TNRC6A: variants seen among roughly 807,000 people sequenced by gnomAD.
The protein encoded by TNRC6A is trinucleotide repeat containing adaptor 6A.
In TNRC6A, 44 loss-of-function variants were observed where a neutral mutation model predicts 221.2. That is an observed-to-expected ratio of 0.20 (90% confidence interval 0.16 to 0.26). The LOEUF (loss-of-function observed/expected upper bound fraction) is 0.26, where lower values mean the gene tolerates loss of function less well. Among genes scored for constraint, TNRC6A ranks in the 10% least tolerant of loss-of-function variants. The probability of loss-of-function intolerance (pLI) is 1.00; values close to 1 mark genes in which losing one functional copy is unlikely to be tolerated. For synonymous variants in TNRC6A, 847 were observed against 838.5 expected, an observed-to-expected ratio of 1.01 and a Z score of -0.18; for missense variants, 2,199 against 2,404.4, an observed-to-expected ratio of 0.91 and a Z score of 1.79.
chr16:24,729,372 G>T (rs1055259965), upstream of TNRC6A, among the ~76,000 whole-genome samples: 1 of 145,522 alleles, frequency 6.9e-6, no homozygotes, highest in Non-Finnish European at 1.5e-5. Flanking sequence ...AACTTGTGTC[G>T]CAGCAAAGAA....
chr16:24,637,503 G>A (rs1434868782), intron 1 of TNRC6A, among the ~76,000 whole-genome samples: 1 of 152,162 alleles, frequency 6.6e-6, no homozygotes, highest in Non-Finnish European at 1.5e-5. Flanking sequence ...ACAATAAATA[G>A]ATTAAATGTA....
intron 4 of TNRC6A, among the ~76,000 whole-genome samples, chr16:24,762,143 C>T (rs927320017): frequency 2.0e-5 from 3 of 152,064 alleles, no homozygotes; most frequent in African/African-American, 4.8e-5. Flanking sequence ...GATAAAATAG[C>T]GAAGTTTAGT....
In TNRC6A at chr16:24,790,048, C is replaced by A; in HGVS notation, c.1406C>A (p.Ser469Ter). The A allele has an allele frequency of 6.2e-7, 1 of 1,614,196 alleles. No individual in the cohort carries two copies. The highest frequency in any genetic ancestry group is 1.1e-5 in the South Asian group (1 of 91,066). ...FMTSSLPNSG[S>*]VQNNELPSSN... The stretch of plus-strand genomic sequence containing the variant: ...ACCTCTAGTTTACCAAACTCCGGTT[C>A]AGTGCAGAATAATGAGCTGCCTAGT... The change falls in exon 6 of 25, where the codon TCA (serine) becomes TAA (stop). Residue 469 changes from serine to a stop codon, truncating the protein, a stop_gained. Coordinates refer to ENST00000395799, the MANE Select transcript of TNRC6A (RefSeq NM_014494.4). LOFTEE classifies it high-confidence loss of function.
chr16:24,679,255 C>T (rs144899309), intron 2 of TNRC6A, among the ~76,000 whole-genome samples: 91 of 152,138 alleles, frequency 6.0e-4, no homozygotes, highest in African/African-American at 2.1e-3. Context: ...ACCTTGGCCT[C>T]CCAAAGTGCT....
chr16:24,719,401 C>T (rs1295393780), intron 2 of TNRC6A, among the ~76,000 whole-genome samples: 1 of 152,106 alleles, frequency 6.6e-6, no homozygotes, highest in Admixed American at 6.6e-5. Flanking sequence ...CTTGCTGGCT[C>T]ACGCTTGTAA....
At chr16:24,717,423 C>A (rs941782152) in intron 2 of TNRC6A, among the ~76,000 whole-genome samples, 4 of 152,030 alleles carry the variant, frequency 2.6e-5, no homozygotes, top group African/African-American at 9.7e-5. Flanking sequence ...AAAAGCTGGG[C>A]GCCATTATCA....
intron 4 of TNRC6A, among the ~76,000 whole-genome samples, chr16:24,775,762 A>G (rs962653441): frequency 6.6e-6 from 1 of 152,222 alleles, no homozygotes; most frequent in African/African-American, 2.4e-5. Context: ...TTTTAATTCC[A>G]GGGTGGGAGC....
chr16:24,735,441 C>T (rs934210173), intron 2 of TNRC6A, among the ~76,000 whole-genome samples: 5 of 152,118 alleles, frequency 3.3e-5, no homozygotes, highest in Admixed American at 6.6e-5. Context: ...TGCTGTGATA[C>T]GGTTTGCAGG....
intron 2 of TNRC6A, among the ~76,000 whole-genome samples, chr16:24,678,692 G>A (rs988782719): frequency 6.6e-6 from 1 of 152,184 alleles, no homozygotes; most frequent in African/African-American, 2.4e-5. Flanking sequence ...GTGACAGAGT[G>A]AGACCCTGCC....
intron 1 of TNRC6A, among the ~76,000 whole-genome samples, chr16:24,620,214 G>A (rs986604258): frequency 6.6e-6 from 1 of 151,758 alleles, no homozygotes; most frequent in Middle Eastern, 3.5e-3. Context: ...TACTAGCTTC[G>A]TGGCATTGAG....
chr16:24,717,069 A>C (rs1954293240), intron 2 of TNRC6A, among the ~76,000 whole-genome samples: 1 of 151,240 alleles, frequency 6.6e-6, no homozygotes, highest in South Asian at 2.1e-4. Context: ...TTCCTATGTT[A>C]TTGTGATAAT....
intron 2 of TNRC6A, among the ~76,000 whole-genome samples, chr16:24,696,236 T>C (rs912457313): frequency 2.0e-4 from 30 of 151,062 alleles, no homozygotes; most frequent in Non-Finnish European, 3.5e-4. Flanking sequence ...TAGTCCCAGC[T>C]ACTCGGGAGG....
At chr16:24,736,617 T>C (rs1222441446) in intron 2 of TNRC6A, among the ~76,000 whole-genome samples, 1 of 152,202 alleles carries the variant, frequency 6.6e-6, no homozygotes, top group Non-Finnish European at 1.5e-5. Flanking sequence ...TTTTGGGTCT[T>C]GTCTGTATGA....
intron 1 of TNRC6A, among the ~76,000 whole-genome samples, chr16:24,634,991 G>T (rs1901550538): frequency 1.3e-5 from 2 of 152,078 alleles, no homozygotes; most frequent in Admixed American, 6.6e-5. Flanking sequence ...ACAGGGTCTT[G>T]CTATGTTGCC....
intron 9 of TNRC6A, chr16:24,796,474 A>C (rs1387496025): frequency 6.6e-6 from 1 of 152,384 alleles, no homozygotes; most frequent in Middle Eastern, 3.2e-3. Context: ...TCAAGCTAGA[A>C]AGGACAGCTT....
chr16:24,670,981 C>T (rs1037577634), intron 2 of TNRC6A: 1 of 409,052 alleles, frequency 2.4e-6, no homozygotes, highest in Admixed American at 2.6e-5. Context: ...AGCATCTGGC[C>T]GTGATCCCAG....
chr16:24,724,552 C>A (rs1423128524), intron 2 of TNRC6A, among the ~76,000 whole-genome samples: 1 of 152,080 alleles, frequency 6.6e-6, no homozygotes, highest in Non-Finnish European at 1.5e-5. Context: ...TGGAGACCAG[C>A]CTGGGCAACA....
At chr16:24,660,823 G>A (rs2055017752) in intron 2 of TNRC6A, among the ~76,000 whole-genome samples, 1 of 132,488 alleles carries the variant, frequency 7.5e-6, no homozygotes, top group African/African-American at 2.9e-5. Context: ...CTCACTGCAA[G>A]CTCCGCCTCC....
chr16:24,817,205 TTTTTAAA>T (rs1373102181), intron 20 of TNRC6A, among the ~76,000 whole-genome samples: 1 of 152,220 alleles, frequency 6.6e-6, no homozygotes, highest in Non-Finnish European at 1.5e-5. Flanking sequence ...ATTTGGCTAC[TTTTTAAA>T]TGGTGAGGAT....
Sources: gnomAD v4.1 joint callset for allele counts (sites outside exome capture counted in the v4.1 genomes callset) on GRCh38, gnomAD v4.1.1 for gene constraint, MANE v1.5 for transcripts, NCBI Gene and HGNC (gene_info 2026-07-23, HGNC 2026-07-21) for gene names.